SPIDR: variants seen among roughly 807,000 people sequenced by gnomAD.
SPIDR encodes scaffold protein involved in DNA repair.
A neutral mutation model predicts 104.6 loss-of-function variants in SPIDR; 93 were observed. The observed-to-expected ratio is 0.89, with a 90% CI of 0.75 to 1.06. SPIDR has a LOEUF of 1.06. SPIDR is among the 50% of genes least tolerant of loss of function. The pLI is 0.00. For synonymous variants in SPIDR, 431 were observed against 416.9 expected, an observed-to-expected ratio of 1.03 and a Z score of -0.41; for missense variants, 1,154 against 1,111.2, an observed-to-expected ratio of 1.04 and a Z score of -0.55.
chr8:47,294,859 C>T (rs1366938664), intron 5 of SPIDR, among the ~76,000 whole-genome samples: 1 of 152,086 alleles, frequency 6.6e-6, no homozygotes, highest in Non-Finnish European at 1.5e-5. Flanking sequence ...GTTTTCATCA[C>T]ATTTGGTAAG....
At chr8:47,522,159 C>G (rs868482872) in intron 8 of SPIDR, among the ~76,000 whole-genome samples, 3 of 140,228 alleles carry the variant, frequency 2.1e-5, no homozygotes, top group Non-Finnish European at 4.5e-5. Flanking sequence ...GCGACAAGAG[C>G]GAGAGTCTGT....
chr8:47,422,049 G>A (rs530143196), intron 7 of SPIDR, among the ~76,000 whole-genome samples: 6 of 152,316 alleles, frequency 3.9e-5, no homozygotes, highest in South Asian at 2.1e-4. Context: ...TGGGCTACTC[G>A]GAGGTCAGGG....
intron 5 of SPIDR, among the ~76,000 whole-genome samples, chr8:47,362,529 G>C (rs1009158664): frequency 1.2e-4 from 18 of 152,184 alleles, no homozygotes; most frequent in Non-Finnish European, 2.4e-4. Flanking sequence ...AATGTATATT[G>C]ATTGTGTCTT....
chr8:47,611,342 G>A (rs1414879625), intron 10 of SPIDR, among the ~76,000 whole-genome samples: 2 of 152,156 alleles, frequency 1.3e-5, no homozygotes, highest in African/African-American at 4.8e-5. Context: ...AACAGCACAA[G>A]GAGGGACACT....
At chr8:47,573,042 T>C (rs1027943280) in intron 8 of SPIDR, among the ~76,000 whole-genome samples, 5 of 152,206 alleles carry the variant, frequency 3.3e-5, no homozygotes, top group Admixed American at 3.3e-4. Flanking sequence ...TAAAAACCCA[T>C]TTACATTAAT....
intron 5 of SPIDR, among the ~76,000 whole-genome samples, chr8:47,298,663 T>C (rs1296586163): frequency 3.9e-5 from 6 of 152,260 alleles, no homozygotes; most frequent in Non-Finnish European, 7.3e-5. Context: ...GTTTCAGCTT[T>C]CTACATATGG....
intron 7 of SPIDR, among the ~76,000 whole-genome samples, chr8:47,414,463 C>T (rs1344126222): frequency 6.6e-6 from 1 of 152,168 alleles, no homozygotes; most frequent in African/African-American, 2.4e-5. Flanking sequence ...GCATGTCAAA[C>T]TAAGATTCTC....
chr8:47,627,226 T>C (rs2066297135), intron 10 of SPIDR, among the ~76,000 whole-genome samples: 1 of 152,018 alleles, frequency 6.6e-6, no homozygotes, highest in Non-Finnish European at 1.5e-5. Flanking sequence ...GATCACACTC[T>C]GGGGACTGTT....
chr8:47,518,449 T>C (rs1394313928), intron 8 of SPIDR, among the ~76,000 whole-genome samples: 1 of 152,160 alleles, frequency 6.6e-6, no homozygotes, highest in Non-Finnish European at 1.5e-5. Flanking sequence ...ATATTTTTAT[T>C]TGATTTATGA....
At chr8:47,683,450 T>C (rs1278297742) in intron 11 of SPIDR, among the ~76,000 whole-genome samples, 11 of 152,218 alleles carry the variant, frequency 7.2e-5, no homozygotes. Flanking sequence ...TCATAGGTTC[T>C]AGTTTCTAGG....
chr8:47,280,985 T>C (rs963042236), intron 2 of SPIDR, among the ~76,000 whole-genome samples: 23 of 152,210 alleles, frequency 1.5e-4, no homozygotes, highest in Non-Finnish European at 3.1e-4. Flanking sequence ...AGGCGTACTC[T>C]GGAGATATTG....
At chr8:47,610,887 G>A (rs561827662) in intron 10 of SPIDR, among the ~76,000 whole-genome samples, 1 of 152,320 alleles carries the variant, frequency 6.6e-6, no homozygotes, top group East Asian at 1.9e-4. Flanking sequence ...TAACAACCAG[G>A]TATTAAACAT....
At chr8:47,634,235 A>AGAGTT (rs2067533136) in intron 10 of SPIDR, among the ~76,000 whole-genome samples, 2 of 152,162 alleles carry the variant, frequency 1.3e-5, no homozygotes, top group Non-Finnish European at 2.9e-5. Context: ...TGGATGGATC[A>AGAGTT]CGAGGTCAGA....
At chr8:47,638,235 G>T (rs2068268624) in intron 10 of SPIDR, among the ~76,000 whole-genome samples, 1 of 152,030 alleles carries the variant, frequency 6.6e-6, no homozygotes, top group African/African-American at 2.4e-5. Context: ...TTTCCAAGGA[G>T]ACCTGGCTCC....
chr8:47,504,143 G>A (rs1293599568), intron 8 of SPIDR, among the ~76,000 whole-genome samples: 1 of 152,102 alleles, frequency 6.6e-6, no homozygotes, highest in African/African-American at 2.4e-5. Context: ...GAGTGTCTTT[G>A]TGGCGTTCTC....
intron 8 of SPIDR, among the ~76,000 whole-genome samples, chr8:47,552,588 T>C (rs1276682574): frequency 1.3e-5 from 2 of 150,942 alleles, no homozygotes; most frequent in African/African-American, 2.4e-5. Context: ...CAACCCCTGC[T>C]TTTTTTTTGT....
intron 8 of SPIDR, among the ~76,000 whole-genome samples, chr8:47,482,702 T>C (rs1371232017): frequency 6.6e-6 from 1 of 152,178 alleles, no homozygotes; most frequent in African/African-American, 2.4e-5. Flanking sequence ...ACTTCAGAGA[T>C]GCTTCCTGAA....
At chr8:47,492,244 C>T (rs73565275) in intron 8 of SPIDR, among the ~76,000 whole-genome samples, 2,737 of 152,224 alleles carry the variant, frequency 0.018, 82 homozygotes, top group African/African-American at 0.063. Flanking sequence ...CCCTGATTTC[C>T]ATCTGCCAGA....
In SPIDR at chr8:47,650,975, C is replaced by CT. The variant is rs1291966431; in HGVS notation, c.1545-22825dup. 4.6e-5 allele frequency among the ~76,000 whole-genome samples: 7 copies of CT among 152,204 alleles called. No homozygotes were observed. In the East Asian group the frequency reaches 1.4e-3, roughly 29 times the overall value. ...CTCAAGATGGATCAAAGACTTAAAT[C>CT]TAAGACCTGAAACCATAAAAATTCT... On this transcript the variant is annotated intron_variant, in intron 10 of 19. Transcript: ENST00000297423.
Sources: gnomAD v4.1 joint callset for allele counts (sites outside exome capture counted in the v4.1 genomes callset) on GRCh38, gnomAD v4.1.1 for gene constraint, MANE v1.5 for transcripts, NCBI Gene and HGNC (gene_info 2026-07-23, HGNC 2026-07-21) for gene names.